The following CAMK2B variants were observed in gnomAD, a reference collection of about 807,000 sequenced individuals.
CAMK2B encodes the protein calcium/calmodulin-dependent protein kinase type II subunit beta.
A neutral mutation model predicts 93.7 loss-of-function variants in CAMK2B; 27 were observed. The observed-to-expected ratio is 0.29, with a 90% CI of 0.21 to 0.40. The LOEUF (loss-of-function observed/expected upper bound fraction) is 0.40. CAMK2B is among the 10% of genes least tolerant of loss of function. The pLI, the probability that CAMK2B is intolerant of heterozygous loss-of-function variation, is 1.00. For missense variants in CAMK2B, 568 were observed against 895.8 expected, an observed-to-expected ratio of 0.63 and a Z score of 4.67; for synonymous variants, 374 against 358.8, an observed-to-expected ratio of 1.04 and a Z score of -0.48.
intron 2 of CAMK2B, among the ~76,000 whole-genome samples, chr7:44,273,359 T>C (rs1208342715): frequency 6.6e-6 from 1 of 152,164 alleles, no homozygotes; most frequent in Non-Finnish European, 1.5e-5. Flanking sequence ...CTGGGTGTCT[T>C]GTGTTCAGTC....
chr7:44,285,188 A>C (rs1218602375), intron 1 of CAMK2B, among the ~76,000 whole-genome samples: 1 of 152,256 alleles, frequency 6.6e-6, no homozygotes, highest in Non-Finnish European at 1.5e-5. Context: ...GGCCCCGCAG[A>C]ATCTGACTAG....
chr7:44,266,148 C>G lies in CAMK2B; in HGVS notation c.161-3084G>C, dbSNP rs527945597. On this transcript the variant is annotated intron_variant, in intron 2 of 23. Coordinates refer to ENST00000395749, the MANE Select transcript of CAMK2B (RefSeq NM_001220.5). ...AAAATCTGCTATGGTAGCATTTGCTCTTAAATTTTAAAAATTCGGGCAAAA... is the reference window on the plus strand; with the variant it reads ...AAAATCTGCTATGGTAGCATTTGCTGTTAAATTTTAAAAATTCGGGCAAAA... Among the ~76,000 whole-genome samples, 6 of 152,244 alleles carry G rather than the reference C, an allele frequency of 3.9e-5. No homozygotes were observed. In the East Asian group the frequency reaches 1.2e-3, roughly 29 times the overall value.
intron 2 of CAMK2B, among the ~76,000 whole-genome samples, chr7:44,273,198 T>C (rs1425238167): frequency 6.6e-6 from 1 of 152,192 alleles, no homozygotes; most frequent in Non-Finnish European, 1.5e-5. Context: ...AAACTGCCTC[T>C]GGTGGGAACC....
intron 4 of CAMK2B, among the ~76,000 whole-genome samples, chr7:44,256,495 T>C (rs1202403556): frequency 6.6e-6 from 1 of 152,236 alleles, no homozygotes; most frequent in Non-Finnish European, 1.5e-5. Flanking sequence ...AGCAGTTTGT[T>C]CATGCGCACA....
At chr7:44,298,176 GAC>G (rs1163667829) in intron 1 of CAMK2B, among the ~76,000 whole-genome samples, 1 of 152,080 alleles carries the variant, frequency 6.6e-6, no homozygotes, top group African/African-American at 2.4e-5. Flanking sequence ...AAAATGGTCT[GAC>G]ACCGGCATAA....
chr7:44,290,716 T>C (rs1428322802), intron 1 of CAMK2B, among the ~76,000 whole-genome samples: 1 of 152,250 alleles, frequency 6.6e-6, no homozygotes, highest in African/African-American at 2.4e-5. Flanking sequence ...GGGAGGTCTT[T>C]TATATTCTAA....
At chr7:44,307,995 G>A (rs1013707031) in intron 1 of CAMK2B, among the ~76,000 whole-genome samples, 8 of 152,056 alleles carry the variant, frequency 5.3e-5, no homozygotes, top group East Asian at 1.9e-4. Context: ...CTCCCAAAGC[G>A]CTGGGATTCC....
intron 2 of CAMK2B, among the ~76,000 whole-genome samples, chr7:44,274,918 A>C (rs1223588646): frequency 6.6e-6 from 1 of 152,180 alleles, no homozygotes; most frequent in Non-Finnish European, 1.5e-5. Flanking sequence ...TCAGTGCTAG[A>C]AAAGCCAGGC....
intron 2 of CAMK2B, among the ~76,000 whole-genome samples, chr7:44,275,641 C>G (rs935072240): frequency 6.6e-6 from 1 of 152,156 alleles, no homozygotes; most frequent in African/African-American, 2.4e-5. Context: ...TAAGTGTGTC[C>G]CACGCAATTT....
At position 44,312,483 on chromosome 7, in the gene CAMK2B, G is replaced by A. The variant is rs901339225; in HGVS notation, c.65+12874C>T. On this transcript the variant is annotated intron_variant, in intron 1 of 23. Coordinates refer to ENST00000395749, the MANE Select transcript of CAMK2B (RefSeq NM_001220.5). This position sits in a 1 kb window ranked among gnomAD's most constrained non-coding sequence, Gnocchi z 4.1. ...GAGAAAGGAGAGGGAGGAAGAGGGA[G>A]GGAAGGAGGGGAGGATGATGAGGCT... Among the ~76,000 whole-genome samples the A allele has an allele frequency of 7.2e-5, 11 of 152,132 alleles. No homozygotes were observed. The highest frequency in any genetic ancestry group is 7.2e-4 in the Admixed American group (11 of 15,282).
rs1793698033 is a variant in CAMK2B, at chr7:44,312,030, A to C, written c.65+13327T>G. On this transcript the variant is annotated intron_variant, in intron 1 of 23. Transcript: ENST00000395749. The surrounding 1 kb of genome is among the most constrained non-coding windows in gnomAD (Gnocchi z 4.1). ...CTCTGTCCCCACAGCCCAGAGGGGG[A>C]AACTGAGCCCCAGTGTGTGCTTCCT... Among the ~76,000 whole-genome samples the C allele has an allele frequency of 6.6e-6, 1 of 152,034 alleles. No individual in the cohort carries two copies. The highest frequency in any genetic ancestry group is 1.5e-5 in the Non-Finnish European group (1 of 68,012).
intron 1 of CAMK2B, among the ~76,000 whole-genome samples, chr7:44,291,792 T>C (rs193116993): frequency 6.6e-6 from 1 of 152,334 alleles, no homozygotes; most frequent in East Asian, 1.9e-4. Context: ...AGTCATTTCA[T>C]TGCGTTCACT....
intron 1 of CAMK2B, among the ~76,000 whole-genome samples, chr7:44,289,244 C>T (rs1437711060): frequency 6.6e-6 from 1 of 152,250 alleles, no homozygotes; most frequent in Non-Finnish European, 1.5e-5. Flanking sequence ...CCCCACTCTC[C>T]ACTAAGTCAT....
At position 44,308,037 on chromosome 7, in the gene CAMK2B, T is replaced by C. The variant is rs1792406442; in HGVS notation, c.65+17320A>G. 3.3e-5 allele frequency among the ~76,000 whole-genome samples: 5 copies of C among 152,100 alleles called. No homozygotes were observed. In the South Asian group the frequency reaches 6.2e-4, roughly 19 times the overall value. On this transcript the variant is annotated intron_variant, in intron 1 of 23. Transcript: ENST00000395749. ...TTTTGACCTATAGGAGCTCTTTCCA[T>C]ATGAGGGAAACCACCCATTCACCTC...
chr7:44,310,783 G>T (rs1793322745), intron 1 of CAMK2B, among the ~76,000 whole-genome samples: 2 of 152,302 alleles, frequency 1.3e-5, no homozygotes, highest in Middle Eastern at 6.8e-3. Flanking sequence ...GGGTGCCAGG[G>T]TGAGGGAAGG....
At chr7:44,219,968 G>T in intron 23 of CAMK2B, 92 bp downstream of exon 23, 1 of 1,072,588 alleles carries the variant, frequency 9.3e-7, no homozygotes, top group Non-Finnish European at 1.3e-6. Flanking sequence ...CTCTGCACAG[G>T]CCCCACCGCT....
chr7:44,243,594 T>TG (rs1333288386), intron 6 of CAMK2B, 67 bp from the exon 7 acceptor site: 2 of 1,307,104 alleles, frequency 1.5e-6, no homozygotes, highest in Non-Finnish European at 2.2e-6. Flanking sequence ...TGGGGTTGGG[T>TG]GGGGGGTTAC....
intron 19 of CAMK2B, 53 bp downstream of exon 19, chr7:44,228,743 T>C: frequency 7.1e-7 from 1 of 1,411,238 alleles, no homozygotes; most frequent in Admixed American, 3.0e-5. Flanking sequence ...CGCCGGCCAT[T>C]CGCAGGGAGC....
intron 1 of CAMK2B, among the ~76,000 whole-genome samples, chr7:44,288,587 C>T (rs1378224906): frequency 1.3e-5 from 2 of 152,280 alleles, no homozygotes; most frequent in East Asian, 3.9e-4. Flanking sequence ...GATCATGAGG[C>T]CCCCGGGCAC....
Sources: allele counts gnomAD v4.1 joint callset (sites outside exome capture counted in the v4.1 genomes callset), GRCh38; gene constraint gnomAD v4.1.1; non-coding constraint Gnocchi (gnomAD v3.1); transcripts MANE v1.5; gene names NCBI Gene and HGNC (gene_info 2026-07-23, HGNC 2026-07-21).